The following PTCHD4 variants were observed in gnomAD, a reference collection of about 807,000 sequenced individuals.
PTCHD4 encodes the protein patched domain containing 4.
PTCHD4 carries 33 observed loss-of-function variants against 58.1 expected under a neutral mutation model. The observed-to-expected ratio is 0.57, with a 90% CI of 0.43 to 0.76. The LOEUF is 0.76. PTCHD4 is among the 30% of genes least tolerant of loss of function. PTCHD4 has a pLI of 0.00. For synonymous variants in PTCHD4, 478 were observed against 409.6 expected (o/e 1.17, Z -2.02); for missense variants, 1,058 against 1,027.1 (o/e 1.03, Z -0.41).
intron 1 of PTCHD4, among the ~76,000 whole-genome samples, chr6:48,110,503 C>T (rs1346149634): frequency 1.3e-5 from 2 of 151,542 alleles, no homozygotes; most frequent in East Asian, 1.9e-4. Context: ...ATATGTAGGT[C>T]AAAAATTACA....
intron 4 of PTCHD4, among the ~76,000 whole-genome samples, chr6:47,969,652 T>C (rs1460646039): frequency 6.6e-6 from 1 of 152,168 alleles, no homozygotes; most frequent in African/African-American, 2.4e-5. Flanking sequence ...ATTGCATAAC[T>C]ATTAGAAGGA....
intron 4 of PTCHD4, among the ~76,000 whole-genome samples, chr6:47,977,320 A>G (rs1392433951): frequency 3.3e-5 from 5 of 152,232 alleles, no homozygotes; most frequent in African/African-American, 1.2e-4. Flanking sequence ...CACTTCTGTG[A>G]TTAGCTTACA....
intron 1 of PTCHD4, among the ~76,000 whole-genome samples, chr6:48,083,688 T>G (rs1765207843): frequency 6.6e-6 from 1 of 152,152 alleles, no homozygotes; most frequent in African/African-American, 2.4e-5. Flanking sequence ...GCACTTAACC[T>G]GCCAGAGGTG....
In PTCHD4 at chr6:47,879,861, C is replaced by T. The variant is rs1262978116; in HGVS notation, c.974G>A (p.Arg325Lys). The T allele has an allele frequency of 2.5e-6, 4 of 1,604,344 alleles. No individual in the cohort carries two copies. Among genetic ancestry groups the T allele is most frequent in the African/African-American group, 2.7e-5 (2 of 74,794 alleles). The change falls in exon 5 of 5, where the codon AGG becomes AAG. Residue 325 changes from arginine (R) to lysine (K), a missense_variant. Physicochemically the swap from Arg to Lys is conservative, Grantham distance 26. Coordinates refer to ENST00000339488, the MANE Select transcript of PTCHD4 (RefSeq NM_001384253.1). ...CACATCAGAATAGGCATCTGCTATCCTGTCTTTGAAGGGCAAGTTCTCTTT... is the reference window on the plus strand; with the variant it reads ...CACATCAGAATAGGCATCTGCTATCTTGTCTTTGAAGGGCAAGTTCTCTTT... ...RTKENLPFKD[R>K]IADAYSDVMV...
At chr6:47,961,114 A>T (rs1308576401) in intron 4 of PTCHD4, among the ~76,000 whole-genome samples, 2 of 151,574 alleles carry the variant, frequency 1.3e-5, no homozygotes, top group African/African-American at 2.4e-5. Context: ...TTAATAAATT[A>T]AAAAAAAATT....
At chr6:48,097,072 C>T (rs1765486143) in intron 1 of PTCHD4, among the ~76,000 whole-genome samples, 1 of 152,046 alleles carries the variant, frequency 6.6e-6, no homozygotes, top group Non-Finnish European at 1.5e-5. Context: ...TTAATTTAAA[C>T]ATTTAATATT....
intron 3 of PTCHD4, among the ~76,000 whole-genome samples, chr6:48,040,723 A>C (rs1326072488): frequency 6.6e-6 from 1 of 152,072 alleles, no homozygotes; most frequent in Non-Finnish European, 1.5e-5. Context: ...TGAAATGGAT[A>C]CTATTAGTAT....
At chr6:47,910,421 T>A (rs11755016) in intron 4 of PTCHD4, among the ~76,000 whole-genome samples, 81,037 of 151,968 alleles carry the variant, frequency 0.53, 23,729 homozygotes, top group East Asian at 0.78. Context: ...GTTCATAAAA[T>A]TAGAGCCTTA....
At chr6:47,905,043 T>TCACA (rs70999653) in intron 4 of PTCHD4, among the ~76,000 whole-genome samples, 11,510 of 131,512 alleles carry the variant, frequency 0.088, 623 homozygotes, top group Middle Eastern at 0.17. Flanking sequence ...AATACAGCCA[T>TCACA]CACACACACA....
intron 4 of PTCHD4, among the ~76,000 whole-genome samples, chr6:47,941,841 T>C (rs1005875460): frequency 1.3e-4 from 20 of 152,290 alleles, no homozygotes; most frequent in Admixed American, 1.3e-3. Context: ...AATTTAAAAA[T>C]TAATTAAAAG....
chr6:47,925,140 TAA>T (rs2113893750), intron 4 of PTCHD4, among the ~76,000 whole-genome samples: 1 of 150,506 alleles, frequency 6.6e-6, no homozygotes, highest in Non-Finnish European at 1.5e-5. Context: ...TATATGCTTT[TAA>T]TATATATGTA....
intron 4 of PTCHD4, among the ~76,000 whole-genome samples, chr6:47,923,269 T>C (rs1765490572): frequency 6.6e-6 from 1 of 152,122 alleles, no homozygotes; most frequent in Non-Finnish European, 1.5e-5. Context: ...GGCAGTGCAG[T>C]CTCATTTTCT....
chr6:48,026,891 T>C (rs952375172), intron 3 of PTCHD4, among the ~76,000 whole-genome samples: 1 of 148,766 alleles, frequency 6.7e-6, no homozygotes, highest in South Asian at 2.2e-4. Flanking sequence ...TTTGCTCTTA[T>C]TGAGTACATA....
intron 1 of PTCHD4, among the ~76,000 whole-genome samples, chr6:48,106,525 C>T (rs1296386798): frequency 6.6e-6 from 1 of 152,102 alleles, no homozygotes; most frequent in Non-Finnish European, 1.5e-5. Context: ...GGAAGCATTC[C>T]CTTTGAAAAC....
chr6:48,050,337 AC>A (rs1484471079), intron 3 of PTCHD4, among the ~76,000 whole-genome samples: 1 of 152,024 alleles, frequency 6.6e-6, no homozygotes, highest in African/African-American at 2.4e-5. Context: ...ATTTGATGAT[AC>A]AGTAAATCCT....
chr6:47,970,533 A>C (rs935799369), intron 4 of PTCHD4, among the ~76,000 whole-genome samples: 1 of 152,042 alleles, frequency 6.6e-6, no homozygotes, highest in South Asian at 2.1e-4. Flanking sequence ...CTTAAGAGGC[A>C]GTTAGACCCA....
intron 3 of PTCHD4, among the ~76,000 whole-genome samples, chr6:48,044,851 T>C (rs1180235565): frequency 2.6e-5 from 4 of 151,836 alleles, no homozygotes; most frequent in Non-Finnish European, 5.9e-5. Flanking sequence ...TCAAACAGCA[T>C]TCATACCATT....
intron 4 of PTCHD4, among the ~76,000 whole-genome samples, chr6:47,963,097 C>G (rs947003373): frequency 4.6e-5 from 7 of 151,728 alleles, no homozygotes; most frequent in African/African-American, 1.7e-4. Context: ...CCACTACACT[C>G]TAGCCTGAGC....
chr6:47,887,841 C>G (rs898206610), intron 4 of PTCHD4, among the ~76,000 whole-genome samples: 7 of 152,138 alleles, frequency 4.6e-5, no homozygotes, highest in African/African-American at 1.7e-4. Context: ...TATACAATGG[C>G]CAAAGCTTCT....
Sources: gnomAD v4.1 joint callset for allele counts (sites outside exome capture counted in the v4.1 genomes callset) on GRCh38, gnomAD v4.1.1 for gene constraint, MANE v1.5 for transcripts, NCBI Gene and HGNC (gene_info 2026-07-23, HGNC 2026-07-21) for gene names.